Variants in UTRN observed in about 807,000 individuals in gnomAD.
The protein encoded by UTRN is utrophin.
UTRN carries 283 observed loss-of-function variants against 463.9 expected under a neutral mutation model. That is an observed-to-expected ratio of 0.61 (90% CI 0.55 to 0.67). The LOEUF (loss-of-function observed/expected upper bound fraction) is 0.67, where lower values mean the gene tolerates loss of function less well. Among genes scored for constraint, UTRN ranks in the 30% least tolerant of loss-of-function variants. UTRN has a pLI of 0.00. For synonymous variants in UTRN, 1,442 were observed against 1,431.5 expected, an observed-to-expected ratio of 1.01 and a Z score of -0.17; for missense variants, 3,922 against 4,084.3, an observed-to-expected ratio of 0.96 and a Z score of 1.08.
intron 65 of UTRN, among the ~76,000 whole-genome samples, chr6:144,809,802 G>A (rs367560001): frequency 2.4e-4 from 36 of 152,230 alleles, no homozygotes; most frequent in African/African-American, 8.2e-4. Context: ...TTTAGTAGAT[G>A]AAGCTAAGGG....
intron 34 of UTRN, 63 bp downstream of exon 34, chr6:144,499,490 G>A (rs1446042110): frequency 3.5e-6 from 5 of 1,430,328 alleles, no homozygotes; most frequent in Non-Finnish European, 4.7e-6. Flanking sequence ...TTGTTCGGGC[G>A]ACCTGGTTGG....
chr6:144,444,455 T>TA, intron 14 of UTRN, 73 bp downstream of exon 14: 1 of 1,148,350 alleles, frequency 8.7e-7, no homozygotes, highest in Non-Finnish European at 1.2e-6. Context: ...GACTTTAGAA[T>TA]AAAGTTGCCT....
At chr6:144,507,801 G>A (rs574650736) in intron 34 of UTRN, among the ~76,000 whole-genome samples, 121 of 152,308 alleles carry the variant, frequency 7.9e-4, no homozygotes, top group African/African-American at 2.7e-3. Flanking sequence ...TGTGCTGGGA[G>A]ATCCGCTGCT....
At chr6:144,755,662 C>A (rs1441384797) in intron 57 of UTRN, among the ~76,000 whole-genome samples, 1 of 152,100 alleles carries the variant, frequency 6.6e-6, no homozygotes, top group Non-Finnish European at 1.5e-5. Flanking sequence ...CCTTTCATTT[C>A]CTTTAGCAAA....
chr6:144,650,820 A>G (rs1778742135), intron 51 of UTRN, among the ~76,000 whole-genome samples: 1 of 152,074 alleles, frequency 6.6e-6, no homozygotes, highest in African/African-American at 2.4e-5. Flanking sequence ...GAGACAGGAG[A>G]ATCGCTTGAA....
intron 43 of UTRN, among the ~76,000 whole-genome samples, chr6:144,537,046 G>A (rs567052623): frequency 5.9e-5 from 9 of 151,844 alleles, no homozygotes; most frequent in African/African-American, 2.2e-4. Flanking sequence ...CATGTTTCTT[G>A]TCTTCCCTAA....
chr6:144,825,131 C>G (rs1409884179), intron 66 of UTRN, among the ~76,000 whole-genome samples: 2 of 151,928 alleles, frequency 1.3e-5, no homozygotes, highest in African/African-American at 4.8e-5. Context: ...CCTCAGCTTC[C>G]CAAACTGCTA....
chr6:144,507,533 T>C (rs1012463297), intron 34 of UTRN, among the ~76,000 whole-genome samples: 2 of 152,150 alleles, frequency 1.3e-5, no homozygotes, highest in Non-Finnish European at 2.9e-5. Flanking sequence ...CTGCTGCAGG[T>C]CTGCTGGAGT....
intron 2 of UTRN, among the ~76,000 whole-genome samples, chr6:144,393,027 CCATCCATCCATCCATCCATCCATT>C (rs879856560): frequency 2.1e-3 from 323 of 151,900 alleles, no homozygotes; most frequent in African/African-American, 6.1e-3. Flanking sequence ...ATCCATCCAT[CCATCCATCCATCCATCCATCCATT>C]CATCCATCCA....
chr6:144,624,362 G>C (rs1043023026), intron 51 of UTRN, among the ~76,000 whole-genome samples: 2 of 152,102 alleles, frequency 1.3e-5, no homozygotes, highest in African/African-American at 2.4e-5. Context: ...AAAAGTAATA[G>C]GTGGAAAGAA....
rs567388560 is a variant in UTRN at position 144,753,305 on chromosome 6, A to G, written c.8355+1353A>G. Among the ~76,000 whole-genome samples the G allele has an allele frequency of 5.9e-5, 9 of 152,268 alleles. No homozygotes were observed. The South Asian group carries it at 8.3e-4, about 14-fold the overall frequency. Reference sequence around the variant, plus strand: ...CCTTTACATTTTCATAATGCAGAGAACTAACTATAGAATGTGTATTTTTAA... The same window carrying G: ...CCTTTACATTTTCATAATGCAGAGAGCTAACTATAGAATGTGTATTTTTAA... On this transcript the variant is annotated intron_variant, in intron 56 of 74. Coordinates refer to ENST00000367545, the MANE Select transcript of UTRN (RefSeq NM_007124.3).
chr6:144,623,247 A>C (rs1265678947), intron 51 of UTRN, among the ~76,000 whole-genome samples: 1 of 152,190 alleles, frequency 6.6e-6, no homozygotes, highest in African/African-American at 2.4e-5. Flanking sequence ...TTGATTTAGC[A>C]ATATATTTTA....
At chr6:144,417,142 T>C (rs1291683039) in intron 3 of UTRN, among the ~76,000 whole-genome samples, 2 of 152,214 alleles carry the variant, frequency 1.3e-5, no homozygotes, top group Non-Finnish European at 2.9e-5. Context: ...GTCTGCATTT[T>C]GAATTCATCA....
intron 50 of UTRN, among the ~76,000 whole-genome samples, chr6:144,570,143 G>A (rs1800804957): frequency 6.6e-6 from 1 of 152,098 alleles, no homozygotes; most frequent in Non-Finnish European, 1.5e-5. Flanking sequence ...GGATGCCTTG[G>A]GGAAGGTACC....
At chr6:144,700,023 A>T in intron 52 of UTRN, 64 bp from the exon 53 acceptor site, 2 of 1,476,420 alleles carry the variant, frequency 1.4e-6, no homozygotes, top group Non-Finnish European at 1.8e-6. Context: ...GAAGGTAGAT[A>T]ATTTTGTGAA....
intron 6 of UTRN, among the ~76,000 whole-genome samples, chr6:144,425,568 C>A (rs1269552690): frequency 6.6e-6 from 1 of 152,070 alleles, no homozygotes; most frequent in Non-Finnish European, 1.5e-5. Context: ...AGTTGGTGTT[C>A]TACTTGTAAA....
chr6:144,290,242 G>T (rs1804092132), intron 1 of UTRN, among the ~76,000 whole-genome samples: 1 of 152,114 alleles, frequency 6.6e-6, no homozygotes, highest in Admixed American at 6.5e-5. Flanking sequence ...TCCAAATTCA[G>T]ATTTTTCAAA....
chr6:144,611,183 A>G (rs1004528118), intron 51 of UTRN, among the ~76,000 whole-genome samples: 1 of 152,188 alleles, frequency 6.6e-6, no homozygotes, highest in African/African-American at 2.4e-5. Flanking sequence ...CATAATAAAA[A>G]CTCTCAACAT....
At chr6:144,710,967 A>G (rs901172497) in intron 53 of UTRN, among the ~76,000 whole-genome samples, 2 of 152,166 alleles carry the variant, frequency 1.3e-5, no homozygotes, top group Non-Finnish European at 2.9e-5. Context: ...TAATTCCCTC[A>G]AATGTTAACA....
Sources: allele counts gnomAD v4.1 joint callset (sites outside exome capture counted in the v4.1 genomes callset), GRCh38; gene constraint gnomAD v4.1.1; transcripts MANE v1.5; gene names NCBI Gene and HGNC (gene_info 2026-07-23, HGNC 2026-07-21).